The following MCHR2 variants were observed in gnomAD, a reference collection of about 807,000 sequenced individuals.
MCHR2 encodes melanin concentrating hormone receptor 2, also known as melanin-concentrating hormone receptor 2.
A neutral mutation model predicts 24.8 loss-of-function variants in MCHR2; 15 were observed. That is an observed-to-expected ratio of 0.60 (90% CI 0.40 to 0.93). The LOEUF is 0.93. MCHR2 is among the 40% of genes least tolerant of loss of function. The pLI is 0.00. For missense variants in MCHR2, 386 were observed against 408.7 expected (o/e 0.94, Z 0.48); for synonymous variants, 151 against 147.6 (o/e 1.02, Z -0.17).
chr6:99,928,190 C>T (rs1774413823), intron 5 of MCHR2, among the ~76,000 whole-genome samples: 2 of 152,188 alleles, frequency 1.3e-5, no homozygotes, highest in South Asian at 2.1e-4. Flanking sequence ...ATGAAGCCCA[C>T]TTGATCATGG....
intron 1 of MCHR2, among the ~76,000 whole-genome samples, chr6:99,992,352 T>C (rs949629675): frequency 1.2e-4 from 19 of 152,244 alleles, no homozygotes; most frequent in African/African-American, 4.6e-4. Context: ...TCTGGTAGGA[T>C]AATTGCTGCC....
At chr6:99,934,104 CAGTT>C (rs1397707303) in intron 5 of MCHR2, among the ~76,000 whole-genome samples, 1 of 151,984 alleles carries the variant, frequency 6.6e-6, no homozygotes, top group Admixed American at 6.6e-5. Flanking sequence ...GCAATGAAAA[CAGTT>C]AAATAACTTA....
Position 99,936,948 on chromosome 6 carries a change from A to C in MCHR2, c.588-2431T>G, listed in dbSNP as rs184664466. Among the ~76,000 whole-genome samples the C allele has an allele frequency of 6.5e-3, 984 of 151,908 alleles. 5 individuals carry two copies. The highest frequency in any genetic ancestry group is 8.2e-3 in the Non-Finnish European group (558 of 67,800). On this transcript the variant is annotated intron_variant, in intron 4 of 5. Coordinates refer to ENST00000281806, the MANE Select transcript of MCHR2 (RefSeq NM_001040179.2). ...CACTTCTTTTGTTGAATTGAATACT[A>C]GGTATTTTATATTCTTGGTAGCTAT...
chr6:99,926,550 C>G (rs1774363706), intron 5 of MCHR2, among the ~76,000 whole-genome samples: 2 of 152,198 alleles, frequency 1.3e-5, no homozygotes, highest in African/African-American at 4.8e-5. Flanking sequence ...GATGGTATCT[C>G]ATTGTGGTTT....
intron 2 of MCHR2, among the ~76,000 whole-genome samples, chr6:99,954,141 T>C (rs1254142265): frequency 6.6e-6 from 1 of 152,160 alleles, no homozygotes; most frequent in Non-Finnish European, 1.5e-5. Context: ...CTCTTTGTTT[T>C]CATTAGTTGT....
chr6:99,934,496 TATC>T lies in MCHR2; in HGVS notation c.606_608del (p.Ile203del). 1 of 1,597,942 alleles carries T rather than the reference TATC, an allele frequency of 6.3e-7. No individual in the cohort carries two copies. The highest frequency in any genetic ancestry group is 8.5e-7 in the Non-Finnish European group (1 of 1,173,766). On this transcript the variant is annotated inframe_deletion, in exon 5 of 6. Coordinates refer to ENST00000281806, the MANE Select transcript of MCHR2 (RefSeq NM_001040179.2). Reference sequence around the variant, plus strand: ...AGGGTAGAGGGAAAAAAAAAGTTGTTATCGTCAAATAAAGTGTATACCTGTAAA... The same window carrying T: ...AGGGTAGAGGGAAAAAAAAAGTTGTTGTCAAATAAAGTGTATACCTGTAAA...
chr6:99,936,041 A>C (rs1774653495), intron 4 of MCHR2, among the ~76,000 whole-genome samples: 1 of 151,424 alleles, frequency 6.6e-6, no homozygotes, highest in South Asian at 2.1e-4. Context: ...TTTACATTGG[A>C]TTATTTGGGT....
At chr6:99,959,910 T>G (rs910796793) in intron 1 of MCHR2, among the ~76,000 whole-genome samples, 1 of 151,470 alleles carries the variant, frequency 6.6e-6, no homozygotes, top group African/African-American at 2.4e-5. Context: ...CATATACATG[T>G]TATGGGCATC....
intron 1 of MCHR2, among the ~76,000 whole-genome samples, chr6:99,967,173 G>C (rs995073477): frequency 6.7e-6 from 1 of 148,972 alleles, no homozygotes; most frequent in Admixed American, 6.8e-5. Flanking sequence ...AAAAAAAACA[G>C]AAATTTATGC....
In MCHR2 at chr6:99,934,557, A is replaced by G. The variant is rs1428817876; in HGVS notation, c.588-40T>C. The G allele has an allele frequency of 9.3e-6, 14 of 1,503,366 alleles. No individual in the cohort carries two copies. The Admixed American group carries it at 1.6e-4, about 17-fold the overall frequency. 93.1% of individuals were successfully genotyped at this position (1,503,366 alleles called of 1,614,324 possible). On this transcript the variant is annotated intron_variant, in intron 4 of 5. Transcript: ENST00000281806. ...AGAGAAGAGAGAGAGAGAAAGAACA[A>G]CACCATTACATTAATTGGATTAGGA...
intron 1 of MCHR2, among the ~76,000 whole-genome samples, chr6:99,957,407 C>G (rs1775085425): frequency 6.6e-6 from 1 of 152,036 alleles, no homozygotes; most frequent in South Asian, 2.1e-4. Flanking sequence ...AAAAAATGTT[C>G]TTCATTTTCA....
intron 5 of MCHR2, among the ~76,000 whole-genome samples, chr6:99,929,238 G>A (rs1387884175): frequency 6.6e-6 from 1 of 152,150 alleles, no homozygotes; most frequent in African/African-American, 2.4e-5. Flanking sequence ...TACATTTGCT[G>A]AGGAGAGCTT....
chr6:99,947,815 A>G lies in MCHR2; in HGVS notation c.339T>C (p.Asp113=). Residue 113 remains aspartate (D), a synonymous_variant, in exon 3 of 6, where the codon GAT becomes GAC. Transcript: ENST00000281806. ...CACTACAGGCAAATTGGTTACAAGT[A>G]TCCAGGGATGTGATGATGGTGCAGA... The part of the protein sequence containing the change: ...GPLCTIITSL[D]TCNQFACSAI... 6.2e-7 allele frequency: 1 copy of G among 1,613,852 alleles called. No individual in the cohort carries two copies.
chr6:99,949,188 A>G (rs1167498200), intron 2 of MCHR2, among the ~76,000 whole-genome samples: 1 of 152,224 alleles, frequency 6.6e-6, no homozygotes, highest in Non-Finnish European at 1.5e-5. Context: ...CATGGCAGGC[A>G]TAATGTTGTG....
chr6:99,981,787 C>T (rs1277569977), intron 1 of MCHR2, among the ~76,000 whole-genome samples: 1 of 152,164 alleles, frequency 6.6e-6, no homozygotes, highest in Non-Finnish European at 1.5e-5. Flanking sequence ...CTCTTCTTTT[C>T]AGAAATGGCT....
intron 5 of MCHR2, among the ~76,000 whole-genome samples, chr6:99,922,124 T>TTTTG (rs397691512): frequency 8.0e-6 from 1 of 125,288 alleles, no homozygotes. Context: ...TTTTTTTTTT[T>TTTTG]GAGACGGAGT....
intron 5 of MCHR2, among the ~76,000 whole-genome samples, chr6:99,925,217 C>A (rs771178449): frequency 1.3e-5 from 2 of 151,896 alleles, no homozygotes; most frequent in Non-Finnish European, 2.9e-5. Context: ...TATGACTACT[C>A]CTGCTTTTTT....
At chr6:99,932,448 T>C (rs58368576) in intron 5 of MCHR2, among the ~76,000 whole-genome samples, 5,082 of 152,240 alleles carry the variant, frequency 0.033, 255 homozygotes, top group East Asian at 0.12. Context: ...AGGTAGGCTA[T>C]GTTAGTGACT....
intron 1 of MCHR2, among the ~76,000 whole-genome samples, chr6:99,980,800 A>G (rs543035142): frequency 6.6e-5 from 10 of 152,312 alleles, no homozygotes; most frequent in African/African-American, 2.4e-4. Context: ...TATTCTGCCA[A>G]TATTCAGTGC....
Sources: allele counts gnomAD v4.1 joint callset (sites outside exome capture counted in the v4.1 genomes callset), GRCh38; gene constraint gnomAD v4.1.1; transcripts MANE v1.5; gene names NCBI Gene and HGNC (gene_info 2026-07-23, HGNC 2026-07-21).